CSMD1: variants seen among roughly 807,000 people sequenced by gnomAD.
CSMD1 encodes the protein CUB and Sushi multiple domains 1.
Under a neutral mutation model 417.5 loss-of-function variants are expected in CSMD1, and 213 were observed. That is an observed-to-expected ratio of 0.51 (90% CI 0.46 to 0.57). The LOEUF (loss-of-function observed/expected upper bound fraction) is 0.57, where lower values mean the gene tolerates loss of function less well. Among genes scored for constraint, CSMD1 ranks in the 20% least tolerant of loss-of-function variants. The pLI, the probability that CSMD1 is intolerant of heterozygous loss-of-function variation, is 0.00. For missense variants in CSMD1, 6,923 were observed against 4,529.7 expected (o/e 1.53, Z -15.17); for synonymous variants, 2,862 against 1,736.8 (o/e 1.65, Z -16.11).
intron 3 of CSMD1, among the ~76,000 whole-genome samples, chr8:4,186,505 A>C (rs1294499129): frequency 2.6e-5 from 4 of 152,190 alleles, no homozygotes; most frequent in African/African-American, 4.8e-5. Context: ...GATGGAATTT[A>C]ATTACTTATT....
At chr8:4,419,368 T>C (rs1453575615) in intron 3 of CSMD1, among the ~76,000 whole-genome samples, 2 of 152,138 alleles carry the variant, frequency 1.3e-5, no homozygotes, top group African/African-American at 4.8e-5. Context: ...CAAAGTTCTA[T>C]CTCTGCATTT....
At chr8:3,619,589 T>G (rs1391984483) in intron 7 of CSMD1, among the ~76,000 whole-genome samples, 7 of 151,978 alleles carry the variant, frequency 4.6e-5, no homozygotes, top group Admixed American at 4.6e-4. Flanking sequence ...ATGTACAAAT[T>G]CAAGGAGATT....
intron 3 of CSMD1, among the ~76,000 whole-genome samples, chr8:4,192,491 A>G (rs1039471457): frequency 2.0e-5 from 3 of 151,986 alleles, no homozygotes; most frequent in African/African-American, 4.8e-5. Flanking sequence ...ACCACCACAT[A>G]AACTAAAGCC....
intron 3 of CSMD1, among the ~76,000 whole-genome samples, chr8:4,113,982 G>C (rs2081357): frequency 0.73 from 111,256 of 152,132 alleles, 41,119 homozygotes; most frequent in East Asian, 0.89. Flanking sequence ...AGGTGAAGCA[G>C]CAAATGTCAA....
intron 23 of CSMD1, among the ~76,000 whole-genome samples, chr8:3,308,936 G>T (rs1436489715): frequency 6.6e-6 from 1 of 151,882 alleles, no homozygotes; most frequent in Non-Finnish European, 1.5e-5. Context: ...TGTTGGCCAG[G>T]CTGGTCTCGA....
chr8:3,811,115 G>T (rs1441034516), intron 5 of CSMD1, among the ~76,000 whole-genome samples: 2 of 152,168 alleles, frequency 1.3e-5, no homozygotes, highest in Admixed American at 6.5e-5. Flanking sequence ...ACTCCTCTGT[G>T]TGTACCTATG....
chr8:4,367,297 T>C (rs973587931), intron 3 of CSMD1, among the ~76,000 whole-genome samples: 1 of 152,110 alleles, frequency 6.6e-6, no homozygotes, highest in African/African-American at 2.4e-5. Flanking sequence ...TTTTCCCAGC[T>C]CCATTTTTTA....
intron 2 of CSMD1, among the ~76,000 whole-genome samples, chr8:4,584,122 C>T (rs909242101): frequency 1.9e-4 from 29 of 151,928 alleles, no homozygotes; most frequent in African/African-American, 5.1e-4. Context: ...TGAACACATC[C>T]GAACGTCAGA....
chr8:4,498,547 G>C (rs542400794), intron 2 of CSMD1, among the ~76,000 whole-genome samples: 59 of 152,248 alleles, frequency 3.9e-4, no homozygotes, highest in African/African-American at 1.3e-3. Context: ...AGGAGAAAAT[G>C]TCCAGACTCG....
At chr8:4,599,153 C>G (rs1800446549) in intron 2 of CSMD1, among the ~76,000 whole-genome samples, 1 of 152,142 alleles carries the variant, frequency 6.6e-6, no homozygotes, top group Non-Finnish European at 1.5e-5. Flanking sequence ...ATCCAACGTA[C>G]TGTATCTGTA....
intron 1 of CSMD1, among the ~76,000 whole-genome samples, chr8:4,917,641 A>T (rs1265757783): frequency 7.4e-6 from 1 of 135,262 alleles, no homozygotes; most frequent in Non-Finnish European, 1.6e-5. Context: ...CTCAAAATAA[A>T]TAAATAAATG....
At chr8:4,030,930 C>T (rs1426525519) in intron 4 of CSMD1, among the ~76,000 whole-genome samples, 2 of 152,140 alleles carry the variant, frequency 1.3e-5, no homozygotes. Flanking sequence ...GGCAAAATGC[C>T]ATCAGTCTTT....
At chr8:3,265,787 G>T (rs1444016861) in intron 26 of CSMD1, among the ~76,000 whole-genome samples, 1 of 152,022 alleles carries the variant, frequency 6.6e-6, no homozygotes, top group East Asian at 1.9e-4. Flanking sequence ...TGATGCAGTT[G>T]CACCCTCCAC....
chr8:3,435,145 C>T (rs1405444308), intron 12 of CSMD1, among the ~76,000 whole-genome samples: 3 of 152,206 alleles, frequency 2.0e-5, no homozygotes, highest in African/African-American at 7.2e-5. Context: ...GCCTCAGTCA[C>T]TCCCCTTTGG....
intron 18 of CSMD1, among the ~76,000 whole-genome samples, chr8:3,380,190 C>A (rs1442932051): frequency 1.3e-5 from 2 of 152,084 alleles, no homozygotes; most frequent in African/African-American, 4.8e-5. Flanking sequence ...CACAGTGAGA[C>A]ACAGTCTCAC....
intron 11 of CSMD1, among the ~76,000 whole-genome samples, chr8:3,470,324 TGATTAACA>T: frequency 6.6e-6 from 1 of 152,228 alleles, no homozygotes; most frequent in Non-Finnish European, 1.5e-5. Flanking sequence ...AAGTAGGGGA[TGATTAACA>T]TTTCTAAATT....
chr8:2,961,822 C>T (rs1301692541), intron 61 of CSMD1, among the ~76,000 whole-genome samples: 1 of 152,102 alleles, frequency 6.6e-6, no homozygotes, highest in Non-Finnish European at 1.5e-5. Flanking sequence ...AGTGACTAAC[C>T]TTCTAGGGGG....
In CSMD1 at chr8:4,276,040, A is replaced by G. The variant is rs550345329; in HGVS notation, c.415+143913T>C. Among the ~76,000 whole-genome samples the G allele has an allele frequency of 2.0e-5, 3 of 152,314 alleles. No homozygotes were observed. The South Asian group carries it at 6.2e-4, about 32-fold the overall frequency. ...TGTTGGTGGGAGTGTAAATTAGTTC[A>G]ACCGTTGTGGAAGACAGTGTGACGA... is the stretch of plus-strand genomic sequence containing the variant. On this transcript the variant is annotated intron_variant, in intron 3 of 69. Transcript: ENST00000635120.
intron 3 of CSMD1, among the ~76,000 whole-genome samples, chr8:4,061,643 G>A (rs1798978727): frequency 6.6e-6 from 1 of 152,118 alleles, no homozygotes; most frequent in Non-Finnish European, 1.5e-5. Flanking sequence ...AAGGGAGGAT[G>A]GACTGTGTGG....
Sources: gnomAD v4.1 joint callset for allele counts (sites outside exome capture counted in the v4.1 genomes callset) on GRCh38, gnomAD v4.1.1 for gene constraint, MANE v1.5 for transcripts, NCBI Gene and HGNC (gene_info 2026-07-23, HGNC 2026-07-21) for gene names.